The following TFG variants were observed in gnomAD, a reference collection of about 807,000 sequenced individuals.
TFG encodes the protein trafficking from ER to golgi regulator, also known as protein TFG.
A neutral mutation model predicts 51.4 loss-of-function variants in TFG; 22 were observed. The observed-to-expected ratio is 0.43, with a 90% CI of 0.31 to 0.61. The LOEUF is 0.61. Ranked by LOEUF, TFG falls within the 20% of genes least tolerant of loss-of-function variation. The pLI, the probability that TFG is intolerant of heterozygous loss-of-function variation, is 0.12. For missense variants in TFG, 419 were observed against 487.7 expected (o/e 0.86, Z 1.33); for synonymous variants, 187 against 165.6 (o/e 1.13, Z -0.99).
At chr3:100,725,394 G>A (rs2095072372) in intron 3 of TFG, among the ~76,000 whole-genome samples, 2 of 152,102 alleles carry the variant, frequency 1.3e-5, no homozygotes, top group Middle Eastern at 3.4e-3. Context: ...AAATCAAGTA[G>A]GGGAATGGGT....
chr3:100,728,999 G>A, intron 4 of TFG, 141 bp downstream of exon 4: 1 of 691,064 alleles, frequency 1.4e-6, no homozygotes, highest in Non-Finnish European at 2.3e-6. Flanking sequence ...TAGTATTTAT[G>A]TCTGTGTTCC....
chr3:100,737,911 T>C (rs992293144), intron 6 of TFG, among the ~76,000 whole-genome samples: 2 of 152,096 alleles, frequency 1.3e-5, no homozygotes, highest in Non-Finnish European at 2.9e-5. Flanking sequence ...TTAAAAAAAT[T>C]AGCCAGGTGC....
intron 2 of TFG, among the ~76,000 whole-genome samples, chr3:100,714,108 G>A (rs576843480): frequency 2.6e-5 from 4 of 151,822 alleles, no homozygotes; most frequent in Admixed American, 2.6e-4. Flanking sequence ...ATTTTTATTG[G>A]ACTCTTTCCC....
intron 6 of TFG, 37 bp downstream of exon 6, chr3:100,736,753 C>A: frequency 6.3e-7 from 1 of 1,597,790 alleles, no homozygotes; most frequent in East Asian, 2.3e-5. Context: ...TGGGAAAGTA[C>A]ATGTGTAGAA....
At position 100,713,729 on chromosome 3, in the gene TFG, C is replaced by T. The variant is rs1065628; in HGVS notation, c.44C>T (p.Ala15Val). 3 of 1,610,226 alleles carry T rather than the reference C, an allele frequency of 1.9e-6. No homozygotes were observed. The African/African-American group carries it at 4.0e-5, about 22-fold the overall frequency. ...CTAAGTGGGAAGCTAATCATCAAAG[C>T]TCAACTTGGGGAGGATATTCGGCGA... ...LDLSGKLIIK[A>V]QLGEDIRRIP... The change falls in exon 2 of 8, where the codon GCT becomes GTT. Residue 15 changes from alanine to valine, a missense_variant. Ala to Val is a moderately conservative substitution (Grantham distance 64). Around this residue, in one of 3 missense-constraint regions of TFG, gnomAD observed 22 missense variants for 27.5 expected, o/e 0.80. Coordinates refer to ENST00000240851, the MANE Select transcript of TFG (RefSeq NM_006070.6).
chr3:100,716,667 G>A (rs1482103394), intron 2 of TFG, among the ~76,000 whole-genome samples: 3 of 152,140 alleles, frequency 2.0e-5, no homozygotes, highest in Non-Finnish European at 4.4e-5. Context: ...TAATGTGTAA[G>A]AGTTCCCTTT....
At position 100,744,506 on chromosome 3, in the gene TFG, G is replaced by A. The variant is rs1576379102; in HGVS notation, c.722-327G>A. On this transcript the variant is annotated intron_variant, in intron 6 of 7. Coordinates refer to ENST00000240851, the MANE Select transcript of TFG (RefSeq NM_006070.6). Reference sequence around the variant, plus strand: ...TTATTTACTGATTTTCAACTCACTTGGCTTTTAATGAACATTAGCGTTACT... The same window carrying A: ...TTATTTACTGATTTTCAACTCACTTAGCTTTTAATGAACATTAGCGTTACT... 3 of 189,468 alleles carry A rather than the reference G, an allele frequency of 1.6e-5. No individual in the cohort carries two copies. The South Asian group carries it at 4.9e-4, about 31-fold the overall frequency. The allele number at this position is 189,468 out of a possible 1,614,324, so 11.7% of individuals were successfully genotyped here. A position where few individuals can be genotyped will look rare whatever the true frequency, so the allele number is the denominator to read the frequency against.
intron 3 of TFG, among the ~76,000 whole-genome samples, chr3:100,723,926 T>C (rs939592648): frequency 1.3e-5 from 2 of 151,912 alleles, no homozygotes; most frequent in East Asian, 1.9e-4. Flanking sequence ...TAATTAGATA[T>C]CTTAAAGGTC....
rs1299057778 is a variant in TFG, at chr3:100,748,391, G to A, written c.1063G>A (p.Gly355Arg). 1.2e-6 allele frequency: 2 copies of A among 1,613,990 alleles called. No individual in the cohort carries two copies. The highest frequency in any genetic ancestry group is 2.7e-5 in the African/African-American group (2 of 74,914). The change falls in exon 8 of 8, where the codon GGG (glycine) becomes AGG (arginine). Residue 355 changes from glycine (G) to arginine (R), a missense_variant. Gly to Arg is a moderately radical substitution (Grantham distance 125). Coordinates refer to ENST00000240851, the MANE Select transcript of TFG (RefSeq NM_006070.6). The part of the protein sequence containing the change: ...SQPGMAPSQP[G>R]AYQPRPGFTS... ...ACCTGGAATGGCTCCAAGCCAACCTGGGGCCTATCAACCAAGACCAGGTTT... is the reference window on the plus strand; with the variant it reads ...ACCTGGAATGGCTCCAAGCCAACCTAGGGCCTATCAACCAAGACCAGGTTT...
chr3:100,721,925 C>A (rs1178076071), intron 3 of TFG, among the ~76,000 whole-genome samples: 5 of 152,200 alleles, frequency 3.3e-5, no homozygotes, highest in Admixed American at 3.3e-4. Context: ...CCAAGGCGGG[C>A]GGATTGCCTG....
Position 100,713,924 on chromosome 3 carries a change from AGAC to A in TFG, c.184+56_184+58del, listed in dbSNP as rs1304707719. The A allele has an allele frequency of 8.3e-5, 93 of 1,118,962 alleles. No individual in the cohort carries two copies. In the Middle Eastern group the frequency reaches 9.5e-4, roughly 11 times the overall value. The allele number at this position is 1,118,962 out of a possible 1,614,324, so 69.3% of individuals were successfully genotyped here. A position where few individuals can be genotyped will look rare whatever the true frequency, so the allele number is the denominator to read the frequency against. Reference sequence around the variant, plus strand: ...AGTCTTTTTAAAAAAAAAAAAAAAAAGACAGAGCCTCTGTTGCCCAGGCTGGAG... The same window carrying A: ...AGTCTTTTTAAAAAAAAAAAAAAAAAAGAGCCTCTGTTGCCCAGGCTGGAG... On this transcript the variant is annotated intron_variant, in intron 2 of 7. Coordinates refer to ENST00000240851, the MANE Select transcript of TFG (RefSeq NM_006070.6).
rs767238036 is a variant in TFG at position 100,740,996 on chromosome 3, C to T, written c.722-3837C>T. ...ATAATGTAGCACAAGGCATTACTTACGTGTTTGTGGTGATTCTGGTGTAAA... is the reference window on the plus strand; with the variant it reads ...ATAATGTAGCACAAGGCATTACTTATGTGTTTGTGGTGATTCTGGTGTAAA... On this transcript the variant is annotated intron_variant, in intron 6 of 7. Transcript: ENST00000240851. Among the ~76,000 whole-genome samples, 38 of 152,098 alleles carry T rather than the reference C, an allele frequency of 2.5e-4. 2 individuals carry two copies. The highest frequency in any genetic ancestry group is 6.6e-5 in the Admixed American group (1 of 15,252).
chr3:100,715,747 G>T (rs995062543), intron 2 of TFG, among the ~76,000 whole-genome samples: 12 of 151,042 alleles, frequency 7.9e-5, no homozygotes, highest in African/African-American at 2.9e-4. Flanking sequence ...TTTTGAGACA[G>T]GGTCTCACTC....
chr3:100,740,733 C>G (rs1316830438), intron 6 of TFG, among the ~76,000 whole-genome samples: 1 of 152,072 alleles, frequency 6.6e-6, no homozygotes, highest in African/African-American at 2.4e-5. Context: ...TAAATAATTC[C>G]CAGAAGTCTT....
In TFG at chr3:100,728,924, T is replaced by A. The variant is rs1456092177; in HGVS notation, c.415+66T>A. The A allele has an allele frequency of 2.6e-5, 35 of 1,370,376 alleles. No individual in the cohort carries two copies. The South Asian group carries it at 4.9e-4, about 19-fold the overall frequency. 84.9% of individuals were successfully genotyped at this position (1,370,376 alleles called of 1,614,324 possible). A position where few individuals can be genotyped will look rare whatever the true frequency, so the allele number is the denominator to read the frequency against. On this transcript the variant is annotated intron_variant, in intron 4 of 7. Coordinates refer to ENST00000240851, the MANE Select transcript of TFG (RefSeq NM_006070.6). ...CGTCTTTTTGGAGGTTTTAAAAAAC[T>A]CTTTTTAAGTAGGAGAAGGATGGCA...
chr3:100,747,037 T>C (rs2095136692), intron 7 of TFG, among the ~76,000 whole-genome samples: 1 of 152,208 alleles, frequency 6.6e-6, no homozygotes, highest in African/African-American at 2.4e-5. Context: ...TTAATAAATT[T>C]AGTCAGGGTC....
intron 4 of TFG, among the ~76,000 whole-genome samples, chr3:100,729,329 A>G (rs1026447520): frequency 6.6e-6 from 1 of 152,216 alleles, no homozygotes; most frequent in Non-Finnish European, 1.5e-5. Flanking sequence ...TAAAAATGGT[A>G]TGTTGTAAAT....
At chr3:100,718,561 T>G (rs1246369574) in intron 2 of TFG, among the ~76,000 whole-genome samples, 3 of 142,744 alleles carry the variant, frequency 2.1e-5, no homozygotes, top group Admixed American at 7.0e-5. Context: ...TTTTTTTTTT[T>G]TTTTTTTTTT....
intron 4 of TFG, among the ~76,000 whole-genome samples, chr3:100,730,793 G>A (rs1408251547): frequency 7.2e-5 from 11 of 152,298 alleles, no homozygotes; most frequent in Non-Finnish European, 1.6e-4. Flanking sequence ...ATCTCCAGCA[G>A]CTAATGGAGC....
Sources: allele counts gnomAD v4.1 joint callset (sites outside exome capture counted in the v4.1 genomes callset), GRCh38; gene constraint gnomAD v4.1.1; regional missense constraint gnomAD v4.1.1; transcripts MANE v1.5; gene names NCBI Gene and HGNC (gene_info 2026-07-23, HGNC 2026-07-21).